Variants in CAMK4 observed in about 807,000 individuals in gnomAD.
CAMK4 encodes the protein calcium/calmodulin-dependent protein kinase type IV.
In CAMK4, 22 loss-of-function variants were observed where a neutral mutation model predicts 44.9. The ratio of observed to expected loss-of-function variants is 0.49; its 90% CI spans 0.35 to 0.70. The LOEUF (loss-of-function observed/expected upper bound fraction) is 0.70, where lower values mean the gene tolerates loss of function less well. CAMK4 is among the 30% of genes least tolerant of loss of function. CAMK4 has a pLI of 0.01. For synonymous variants in CAMK4, 218 were observed against 215.4 expected, an observed-to-expected ratio of 1.01 and a Z score of -0.11; for missense variants, 498 against 586.8, an observed-to-expected ratio of 0.85 and a Z score of 1.56.
intron 4 of CAMK4, among the ~76,000 whole-genome samples, chr5:111,394,376 C>G (rs1189110036): frequency 6.6e-6 from 1 of 152,030 alleles, no homozygotes; most frequent in African/African-American, 2.4e-5. Flanking sequence ...ACAGATAAAG[C>G]TATGTGACAA....
intron 2 of CAMK4, among the ~76,000 whole-genome samples, chr5:111,371,335 C>T (rs537969265): frequency 6.6e-6 from 1 of 152,224 alleles, no homozygotes; most frequent in Non-Finnish European, 1.5e-5. Flanking sequence ...AGAATAAGCC[C>T]ACTGTTTTAA....
chr5:111,443,337 C>G (rs942120830), intron 5 of CAMK4, among the ~76,000 whole-genome samples: 2 of 115,616 alleles, frequency 1.7e-5, no homozygotes, highest in African/African-American at 6.4e-5. Flanking sequence ...ACTATATATA[C>G]TATATATATA....
chr5:111,356,461 C>G (rs1369769598), intron 2 of CAMK4, among the ~76,000 whole-genome samples: 7 of 152,190 alleles, frequency 4.6e-5, no homozygotes. Context: ...GTTGCCTGTT[C>G]ACTTTGATGG....
At chr5:111,442,847 T>A (rs1303637838) in intron 5 of CAMK4, among the ~76,000 whole-genome samples, 1 of 149,696 alleles carries the variant, frequency 6.7e-6, no homozygotes, top group Non-Finnish European at 1.5e-5. Context: ...TAATAAGCAA[T>A]GTCATGAGCT....
chr5:111,381,166 A>G (rs17133209), intron 4 of CAMK4, among the ~76,000 whole-genome samples: 17,176 of 152,120 alleles, frequency 0.11, 1,645 homozygotes, highest in African/African-American at 0.25. Flanking sequence ...TCTCTTCTGG[A>G]TCTTGATTCC....
intron 1 of CAMK4, among the ~76,000 whole-genome samples, chr5:111,235,480 C>T (rs1473367333): frequency 6.6e-6 from 1 of 152,166 alleles, no homozygotes; most frequent in South Asian, 2.1e-4. Context: ...TGGGCTCTTC[C>T]TCTCTTTTTC....
intron 5 of CAMK4, among the ~76,000 whole-genome samples, chr5:111,439,195 T>C (rs573054656): frequency 6.6e-6 from 1 of 152,220 alleles, no homozygotes; most frequent in East Asian, 1.9e-4. Context: ...TGCTGGAAAC[T>C]TTGGAAAGAT....
At chr5:111,248,588 T>G (rs1396835115) in intron 1 of CAMK4, among the ~76,000 whole-genome samples, 1 of 152,212 alleles carries the variant, frequency 6.6e-6, no homozygotes, top group Non-Finnish European at 1.5e-5. Context: ...TTTTACTGTT[T>G]TCTCACAGTA....
intron 7 of CAMK4, among the ~76,000 whole-genome samples, chr5:111,456,113 G>GT (rs1754403263): frequency 6.6e-6 from 1 of 151,988 alleles, no homozygotes; most frequent in South Asian, 2.1e-4. Context: ...CCTCACAAGA[G>GT]TAAGTCCTAA....
At chr5:111,300,351 TGGGG>T (rs1182416840) in intron 1 of CAMK4, among the ~76,000 whole-genome samples, 2 of 152,174 alleles carry the variant, frequency 1.3e-5, no homozygotes, top group African/African-American at 4.8e-5. Context: ...CTTTGCCTTG[TGGGG>T]GAGTAGGACT....
chr5:111,299,432 C>G (rs569031003), intron 1 of CAMK4, among the ~76,000 whole-genome samples: 3 of 152,184 alleles, frequency 2.0e-5, no homozygotes, highest in Non-Finnish European at 2.9e-5. Flanking sequence ...TCACCACCCC[C>G]GCTTGGACCT....
At chr5:111,256,294 G>A (rs138229387) in intron 1 of CAMK4, among the ~76,000 whole-genome samples, 3 of 152,246 alleles carry the variant, frequency 2.0e-5, no homozygotes, top group Non-Finnish European at 4.4e-5. Flanking sequence ...ATGGTGGGGT[G>A]GAATTGGGTG....
chr5:111,429,346 C>T (rs77766051), intron 5 of CAMK4, among the ~76,000 whole-genome samples: 180 of 152,274 alleles, frequency 1.2e-3, no homozygotes, highest in Middle Eastern at 0.01. Context: ...ATTAGTGCTA[C>T]TGCGAGCAAC....
chr5:111,483,906 A>T (rs904761001), intron 10 of CAMK4, 120 bp from the exon 11 acceptor site: 19 of 646,270 alleles, frequency 2.9e-5, no homozygotes, highest in Non-Finnish European at 4.0e-5. Context: ...GGAATAAGGT[A>T]CTTTGAAAAC....
At chr5:111,414,927 A>G (rs1752765334) in intron 5 of CAMK4, among the ~76,000 whole-genome samples, 1 of 152,204 alleles carries the variant, frequency 6.6e-6, no homozygotes, top group Non-Finnish European at 1.5e-5. Flanking sequence ...TTCCTCCCAA[A>G]TTAATGCTGT....
Position 111,484,134 on chromosome 5 carries a change from G to T in CAMK4, c.1090G>T (p.Asp364Tyr), listed in dbSNP as rs1272361752. 6.2e-7 allele frequency: 1 copy of T among 1,614,078 alleles called. No homozygotes were observed. The highest frequency in any genetic ancestry group is 1.3e-5 in the African/African-American group (1 of 74,940). ...KASRDPSPIQ[D>Y]GNEDMKAIPE... ...TAGCCGAGACCCTTCTCCAATCCAA[G>T]ATGGCAACGAGGACATGAAAGCTAT... The change falls in exon 11 of 11, where the codon GAT (aspartate) becomes TAT (tyrosine). Residue 364 changes from aspartate (D) to tyrosine (Y), a missense_variant. Asp to Tyr is a radical substitution (Grantham distance 160, BLOSUM62 -3). This residue lies in a region of CAMK4 where 143 missense variants were observed against 144.9 expected (regional missense o/e 0.99). Coordinates refer to ENST00000282356, the MANE Select transcript of CAMK4 (RefSeq NM_001744.6). This position sits in a 1 kb window ranked among gnomAD's most constrained non-coding sequence, Gnocchi z 5.3.
intron 1 of CAMK4, among the ~76,000 whole-genome samples, chr5:111,274,881 C>CT (rs1387091708): frequency 7.9e-5 from 12 of 151,668 alleles, no homozygotes; most frequent in African/African-American, 2.2e-4. Flanking sequence ...TTATACCACT[C>CT]TTTTTTTTAA....
intron 7 of CAMK4, among the ~76,000 whole-genome samples, chr5:111,450,983 C>G (rs1384262145): frequency 6.6e-6 from 1 of 152,124 alleles, no homozygotes; most frequent in Non-Finnish European, 1.5e-5. Context: ...TACTACAAAA[C>G]TAACTCCTTT....
intron 1 of CAMK4, among the ~76,000 whole-genome samples, chr5:111,319,254 G>C: frequency 6.6e-6 from 1 of 152,148 alleles, no homozygotes; most frequent in East Asian, 1.9e-4. Flanking sequence ...AATTGAAAAA[G>C]TGTTAAGTTT....
Sources: gnomAD v4.1 joint callset for allele counts (sites outside exome capture counted in the v4.1 genomes callset) on GRCh38, gnomAD v4.1.1 for gene constraint, gnomAD v4.1.1 regional missense constraint, Gnocchi (gnomAD v3.1) non-coding constraint, MANE v1.5 for transcripts, NCBI Gene and HGNC (gene_info 2026-07-23, HGNC 2026-07-21) for gene names.